Variants in DMBT1 observed in about 807,000 individuals in gnomAD.
DMBT1 encodes deleted in malignant brain tumors 1, also known as scavenger receptor cysteine-rich domain-containing protein DMBT1.
A neutral mutation model predicts 252.9 loss-of-function variants in DMBT1; 198 were observed. That is an observed-to-expected ratio of 0.78 (90% CI 0.70 to 0.88). The LOEUF is 0.88. Among genes scored for constraint, DMBT1 ranks in the 40% least tolerant of loss-of-function variants. The probability of loss-of-function intolerance (pLI) is 0.00; values close to 1 mark genes in which losing one functional copy is unlikely to be tolerated. For synonymous variants in DMBT1, 990 were observed against 942.7 expected (o/e 1.05, Z -0.92); for missense variants, 2,432 against 2,404.7 (o/e 1.01, Z -0.24).
At chr10:122,569,542 C>T (rs1234694173) in intron 2 of DMBT1, among the ~76,000 whole-genome samples, 1 of 152,130 alleles carries the variant, frequency 6.6e-6, no homozygotes, top group Non-Finnish European at 1.5e-5. Context: ...GCGTGTTCCC[C>T]AAAGAGGAGT....
At position 122,632,891 on chromosome 10, in the gene DMBT1, G is replaced by GT; in HGVS notation, c.6397+2dup. The GT allele has an allele frequency of 6.2e-7, 1 of 1,613,860 alleles. No individual in the cohort carries two copies. Among genetic ancestry groups the GT allele is most frequent in the Non-Finnish European group, 8.5e-7 (1 of 1,179,870 alleles). ...TTTCTCAACATCACCCGTCCAAACAGTAAGTTCTGAGCTCCCTGACAAGTC... is the reference window on the plus strand; with the variant it reads ...TTTCTCAACATCACCCGTCCAAACAGTTAAGTTCTGAGCTCCCTGACAAGTC... On this transcript the variant is annotated splice_donor_variant, in intron 51 of 55. Coordinates refer to ENST00000338354, the MANE Select transcript of DMBT1 (RefSeq NM_001377530.1). LOFTEE classifies it high-confidence loss of function.
intron 54 of DMBT1, among the ~76,000 whole-genome samples, chr10:122,637,613 G>A (rs2098237641): frequency 6.6e-6 from 1 of 152,200 alleles, no homozygotes. Context: ...TCCAGATTTT[G>A]CAGGGCCTGA....
chr10:122,617,929 C>T, intron 40 of DMBT1, 88 bp from the exon 41 acceptor site: 1 of 1,579,030 alleles, frequency 6.3e-7, no homozygotes, highest in Non-Finnish European at 8.6e-7. Flanking sequence ...TGACTCTGGC[C>T]ATTAGGAAGT....
intron 18 of DMBT1, 116 bp from the exon 19 acceptor site, chr10:122,591,363 G>A (rs910749739): frequency 1.6e-6 from 2 of 1,213,504 alleles, no homozygotes; most frequent in Non-Finnish European, 2.4e-6. Context: ...GGAGCAAGTG[G>A]CAGGAACTAG....
At chr10:122,591,165 G>A (rs1211779390) in intron 18 of DMBT1, among the ~76,000 whole-genome samples, 8 of 148,722 alleles carry the variant, frequency 5.4e-5, no homozygotes, top group African/African-American at 1.9e-4. Flanking sequence ...AGTTTCAAGC[G>A]TGAGAGGCTC....
rs1271014354 is a variant in DMBT1, at chr10:122,598,980, A to G, written c.3163A>G (p.Ile1055Val). The G allele has an allele frequency of 3.7e-6, 6 of 1,613,594 alleles. No homozygotes were observed. The highest frequency in any genetic ancestry group is 2.7e-5 in the African/African-American group (2 of 74,888). ...CCGGTTTGGTCAGGGCTCAGGACCC[A>G]TTGTCCTGGATGATGTGCGCTGCTC... ...NARFGQGSGP[I>V]VLDDVRCSGH... The change falls in exon 26 of 56, where the codon ATT becomes GTT. Residue 1055 changes from isoleucine (I) to valine (V), a missense_variant. Ile to Val is a conservative substitution (Grantham distance 29, BLOSUM62 3). Transcript: ENST00000338354.
At chr10:122,588,762 A>C (rs2097819401) in intron 16 of DMBT1, among the ~76,000 whole-genome samples, 182 bp from the exon 17 acceptor site, 1 of 148,850 alleles carries the variant, frequency 6.7e-6, no homozygotes, top group South Asian at 2.3e-4. Flanking sequence ...AAACCCAAGG[A>C]GAATAGTGTA....
intron 48 of DMBT1, 25 bp downstream of exon 48, chr10:122,630,515 A>T: frequency 1.2e-6 from 2 of 1,608,554 alleles, no homozygotes; most frequent in South Asian, 1.1e-5. Flanking sequence ...GACCATGCCT[A>T]TGAGGCTTGG....
chr10:122,643,664 A>G lies in DMBT1; in HGVS notation c.*266A>G, dbSNP rs564300194. On this transcript the variant is annotated 3_prime_UTR_variant, in exon 56 of 56. Transcript: ENST00000338354. ...AGAATCCATGCTTCTCATCTGCAAA[A>G]TGAAAATGTCAATACTTACTTCTTA... 11 of 518,080 alleles carry G rather than the reference A, an allele frequency of 2.1e-5. No homozygotes were observed. Among genetic ancestry groups the G allele is most frequent in the Admixed American group, 3.2e-5 (1 of 31,658 alleles). 32.1% of individuals were successfully genotyped at this position (518,080 alleles called of 1,614,324 possible). A position where few individuals can be genotyped will look rare whatever the true frequency, so the allele number is the denominator to read the frequency against.
chr10:122,566,141 C>CGTGG (rs2097588822), intron 2 of DMBT1, 145 bp downstream of exon 2: 8 of 837,328 alleles, frequency 9.6e-6, no homozygotes, highest in Middle Eastern at 3.2e-4. Flanking sequence ...GGACAGGAGA[C>CGTGG]GTGCGTGCCA....
Position 122,619,338 on chromosome 10 carries a change from G to A in DMBT1, c.5245+1G>A, listed in dbSNP as rs750519551. The A allele has an allele frequency of 3.1e-6, 5 of 1,613,956 alleles. No individual in the cohort carries two copies. Among genetic ancestry groups the A allele is most frequent in the African/African-American group, 1.3e-5 (1 of 75,022 alleles). ...CAGTCCCAGTCAACGCCCAGGCCAG[G>A]TGAGTCCCCAGCATCCTTCATCGGG... On this transcript the variant is annotated splice_donor_variant, in intron 42 of 55. Transcript: ENST00000338354. LOFTEE classifies it high-confidence loss of function.
chr10:122,634,482 T>TC (rs2098209043), intron 52 of DMBT1, among the ~76,000 whole-genome samples: 3 of 105,316 alleles, frequency 2.8e-5, no homozygotes, highest in East Asian at 3.1e-4. Context: ...CTCTCTCTCT[T>TC]TCTCTCTTTT....
intron 52 of DMBT1, among the ~76,000 whole-genome samples, chr10:122,634,430 TTCTCTCTCTC>T (rs764559052): frequency 0.018 from 1,368 of 74,128 alleles, 60 homozygotes; most frequent in Non-Finnish European, 0.025. Flanking sequence ...TCTCTCTCTC[TTCTCTCTCTC>T]TCTCTCTCTC....
Position 122,579,746 on chromosome 10 carries a change from C to T in DMBT1, c.848C>T (p.Ala283Val), listed in dbSNP as rs2097749827. The change falls in exon 10 of 56, where the codon GCC becomes GTC. Residue 283 changes from alanine to valine, a missense_variant. By Grantham distance (64) the Ala-to-Val change is moderately conservative. Around this residue, in one of 3 missense-constraint regions of DMBT1, gnomAD observed 1,264 missense variants for 1,082.2 expected, o/e 1.17. Coordinates refer to ENST00000338354, the MANE Select transcript of DMBT1 (RefSeq NM_001377530.1). ...CTGGGCTGTGGCTGGGCCATGTCAG[C>T]CCCAGGAAATGCCCAGTTTGGCCAG... ...RQLGCGWAMS[A>V]PGNAQFGQGS... is the part of the protein sequence containing the mutation. The T allele has an allele frequency of 1.2e-6, 2 of 1,613,650 alleles. No individual in the cohort carries two copies. Among genetic ancestry groups the T allele is most frequent in the Admixed American group, 1.7e-5 (1 of 59,984 alleles).
In DMBT1 at chr10:122,592,421, T is replaced by A. The variant is rs769200327; in HGVS notation, c.2326T>A (p.Cys776Ser). Reference sequence around the variant, plus strand: ...CAATGTGGTCTGCAGGCAGCTGGGCTGTGGCTGGGCCACGTCGGCCCCAGG... The same window carrying A: ...CAATGTGGTCTGCAGGCAGCTGGGCAGTGGCTGGGCCACGTCGGCCCCAGG... Reference protein sequence around the residue: ...DANVVCRQLGCGWATSAPGNA... With the variant: ...DANVVCRQLGSGWATSAPGNA... Residue 776 changes from cysteine to serine, a missense_variant, in exon 20 of 56, where the codon TGT becomes AGT. Physicochemically the swap from Cys to Ser is moderately radical, Grantham distance 112. This residue lies in a region of DMBT1 where 1,264 missense variants were observed against 1,082.2 expected (regional missense o/e 1.17). Coordinates refer to ENST00000338354, the MANE Select transcript of DMBT1 (RefSeq NM_001377530.1). The A allele has an allele frequency of 3.1e-6, 5 of 1,588,538 alleles. No homozygotes were observed. The East Asian group carries it at 1.2e-4, about 37-fold the overall frequency.
At chr10:122,569,211 G>A (rs1479523167) in intron 2 of DMBT1, among the ~76,000 whole-genome samples, 1 of 152,072 alleles carries the variant, frequency 6.6e-6, no homozygotes, top group African/African-American at 2.4e-5. Context: ...GACCACCCCC[G>A]GCCTGGGATA....
At chr10:122,624,058 G>A (rs546853406) in intron 44 of DMBT1, among the ~76,000 whole-genome samples, 4 of 152,318 alleles carry the variant, frequency 2.6e-5, no homozygotes, top group African/African-American at 7.2e-5. Flanking sequence ...GCCTGATGGG[G>A]TGGTCCCTGT....
intron 52 of DMBT1, among the ~76,000 whole-genome samples, chr10:122,634,589 C>T (rs76174564): frequency 2.1e-4 from 32 of 151,586 alleles, no homozygotes; most frequent in Admixed American, 1.6e-3. Flanking sequence ...CTCTGCCTCC[C>T]GGGTTCAAGC....
intron 5 of DMBT1, among the ~76,000 whole-genome samples, chr10:122,572,822 A>G (rs1472751174): frequency 6.6e-6 from 1 of 152,128 alleles, no homozygotes; most frequent in Non-Finnish European, 1.5e-5. Flanking sequence ...AAATTTGAGG[A>G]GAGTGGGAGA....
Sources: allele counts gnomAD v4.1 joint callset (sites outside exome capture counted in the v4.1 genomes callset), GRCh38; gene constraint gnomAD v4.1.1; regional missense constraint gnomAD v4.1.1; transcripts MANE v1.5; gene names NCBI Gene and HGNC (gene_info 2026-07-23, HGNC 2026-07-21).